The following ALK variants were observed in gnomAD, a reference collection of about 807,000 sequenced individuals.
The protein encoded by ALK is ALK receptor tyrosine kinase.
A neutral mutation model predicts 163.1 loss-of-function variants in ALK; 74 were observed. The observed-to-expected ratio is 0.45, with a 90% CI of 0.38 to 0.55. The LOEUF is 0.55. ALK is among the 20% of genes least tolerant of loss of function. The pLI is 0.00. For missense variants in ALK, 2,063 were observed against 2,105.3 expected, an observed-to-expected ratio of 0.98 and a Z score of 0.39; for synonymous variants, 960 against 843.2, an observed-to-expected ratio of 1.14 and a Z score of -2.40.
rs563594726 is a variant in ALK, at chr2:29,459,283, G to T, written c.1154+72632C>A. Among the ~76,000 whole-genome samples the T allele has an allele frequency of 5.3e-5, 8 of 152,098 alleles. 1 individual carries two copies. Among genetic ancestry groups the T allele is most frequent in the Admixed American group, 3.9e-4 (6 of 15,256 alleles). On this transcript the variant is annotated intron_variant, in intron 4 of 28. Transcript: ENST00000389048. Reference sequence around the variant, plus strand: ...TCTCATTTCATTGGTGCTTTTATAGGTTGAAAGTCACTTTCTCCAACATCC... The same window carrying T: ...TCTCATTTCATTGGTGCTTTTATAGTTTGAAAGTCACTTTCTCCAACATCC...
chr2:29,357,259 A>G (rs1027410528), intron 5 of ALK, among the ~76,000 whole-genome samples: 3 of 152,178 alleles, frequency 2.0e-5, no homozygotes, highest in Non-Finnish European at 4.4e-5. Flanking sequence ...TAGTGGTGAC[A>G]ATGCAGACAC....
Position 29,785,912 on chromosome 2 carries a change from TACAC to T in ALK, c.668-68219_668-68216del, listed in dbSNP as rs10524599. Among the ~76,000 whole-genome samples, 1,099 of 146,710 alleles carry T rather than the reference TACAC, an allele frequency of 7.5e-3. 18 individuals are homozygous for T. Among genetic ancestry groups the T allele is most frequent in the African/African-American group, 0.026 (982 of 38,402 alleles). ...ACATAGGGGGAAATGTTTTTGAGTA[TACAC>T]ACACACACACACACACACACACACA... On this transcript the variant is annotated intron_variant, in intron 1 of 28. Coordinates refer to ENST00000389048, the MANE Select transcript of ALK (RefSeq NM_004304.5).
At chr2:29,303,580 G>A (rs931795001) in intron 8 of ALK, among the ~76,000 whole-genome samples, 7 of 152,174 alleles carry the variant, frequency 4.6e-5, no homozygotes, top group Non-Finnish European at 1.5e-5. Context: ...GACACCTGCA[G>A]TCACATGTTT....
intron 4 of ALK, among the ~76,000 whole-genome samples, chr2:29,464,433 T>TA (rs1373086548): frequency 6.6e-6 from 1 of 152,196 alleles, no homozygotes; most frequent in African/African-American, 2.4e-5. Flanking sequence ...ACAGCCATCA[T>TA]AATATACTGG....
chr2:29,792,700 A>G (rs1026388652), intron 1 of ALK, among the ~76,000 whole-genome samples: 5 of 152,244 alleles, frequency 3.3e-5, no homozygotes, highest in African/African-American at 1.2e-4. Context: ...AAGTATTGCA[A>G]TAAAGCAAGT....
chr2:29,360,461 C>T (rs1573280035), intron 5 of ALK, among the ~76,000 whole-genome samples: 1 of 152,160 alleles, frequency 6.6e-6, no homozygotes, highest in Admixed American at 6.5e-5. Context: ...AGCACATTGC[C>T]CAGAGCTCCT....
chr2:29,843,340 T>C (rs2148395942), intron 1 of ALK, among the ~76,000 whole-genome samples: 1 of 151,540 alleles, frequency 6.6e-6, no homozygotes, highest in East Asian at 1.9e-4. Context: ...CCTCCAAGAG[T>C]TGTGTGTGTG....
rs753080753 is a variant in ALK, at chr2:29,193,917, C to T, written c.4170G>A (p.Pro1390=). The T allele has an allele frequency of 1.9e-6, 3 of 1,613,982 alleles. No individual in the cohort carries two copies. The highest frequency in any genetic ancestry group is 2.5e-6 in the Non-Finnish European group (3 of 1,180,012). ...LERIEYCTQD[P]DVINTALPIE... ...TCGGCAAAGCGGTGTTGATTACATCCGGGTCCTGCCGTAGGGGAAATTATT... is the reference window on the plus strand; with the variant it reads ...TCGGCAAAGCGGTGTTGATTACATCTGGGTCCTGCCGTAGGGGAAATTATT... The change falls in exon 29 of 29, where the codon CCG becomes CCA. Residue 1390 remains proline (P), a synonymous_variant. Coordinates refer to ENST00000389048, the MANE Select transcript of ALK (RefSeq NM_004304.5).
chr2:29,205,718 A>T (rs767762220), intron 26 of ALK, among the ~76,000 whole-genome samples: 1 of 152,096 alleles, frequency 6.6e-6, no homozygotes, highest in Non-Finnish European at 1.5e-5. Context: ...TTATAAGGAT[A>T]CTTGCGATGG....
intron 1 of ALK, among the ~76,000 whole-genome samples, chr2:29,828,938 G>A (rs1334379536): frequency 1.3e-5 from 2 of 151,942 alleles, no homozygotes; most frequent in African/African-American, 4.8e-5. Flanking sequence ...ATGATAGACT[G>A]GATTAAGAAA....
chr2:29,258,367 A>G (rs976227281), intron 11 of ALK, among the ~76,000 whole-genome samples: 2 of 152,234 alleles, frequency 1.3e-5, no homozygotes, highest in Non-Finnish European at 2.9e-5. Flanking sequence ...CAATGCTTAG[A>G]ACCATTTATT....
intron 26 of ALK, among the ~76,000 whole-genome samples, chr2:29,200,781 A>ACATATATGTG (rs1383029041): frequency 8.8e-5 from 12 of 136,698 alleles, no homozygotes; most frequent in Non-Finnish European, 1.5e-4. Flanking sequence ...ACGTATATAT[A>ACATATATGTG]TGTATATACA....
chr2:29,594,349 G>A (rs891161977), intron 3 of ALK, among the ~76,000 whole-genome samples: 19 of 151,558 alleles, frequency 1.3e-4, no homozygotes, highest in Middle Eastern at 3.4e-3. Flanking sequence ...GTAAAATCAC[G>A]TCAGTAGCTT....
At chr2:29,555,702 G>T (rs1036512102) in intron 3 of ALK, among the ~76,000 whole-genome samples, 1 of 152,184 alleles carries the variant, frequency 6.6e-6, no homozygotes, top group Non-Finnish European at 1.5e-5. Context: ...TGAAGATACA[G>T]CTGGTATCTT....
intron 3 of ALK, among the ~76,000 whole-genome samples, chr2:29,622,102 A>G (rs1183978676): frequency 1.3e-5 from 2 of 152,198 alleles, no homozygotes; most frequent in African/African-American, 4.8e-5. Context: ...CCATACCGCT[A>G]AATTAATTTA....
chr2:29,580,949 A>T (rs889136034), intron 3 of ALK, among the ~76,000 whole-genome samples: 3 of 152,214 alleles, frequency 2.0e-5, no homozygotes, highest in Admixed American at 6.5e-5. Flanking sequence ...GGAAGCAAGG[A>T]TGAGTCAGTG....
chr2:29,657,330 T>C (rs895734040), intron 3 of ALK, among the ~76,000 whole-genome samples: 1 of 152,132 alleles, frequency 6.6e-6, no homozygotes, highest in Non-Finnish European at 1.5e-5. Context: ...TGTCTTTCAG[T>C]AGAAGCATGA....
At chr2:29,670,789 T>C (rs1677660190) in intron 3 of ALK, among the ~76,000 whole-genome samples, 1 of 152,110 alleles carries the variant, frequency 6.6e-6, no homozygotes, top group Admixed American at 6.6e-5. Context: ...GTTGAGAGTC[T>C]CTAATGAGTT....
At chr2:29,356,161 T>C (rs1341302139) in intron 5 of ALK, among the ~76,000 whole-genome samples, 1 of 152,178 alleles carries the variant, frequency 6.6e-6, no homozygotes, top group African/African-American at 2.4e-5. Context: ...CCCTTCTGAT[T>C]GTGTCTGTTC....
Sources: gnomAD v4.1 joint callset for allele counts (sites outside exome capture counted in the v4.1 genomes callset) on GRCh38, gnomAD v4.1.1 for gene constraint, MANE v1.5 for transcripts, NCBI Gene and HGNC (gene_info 2026-07-23, HGNC 2026-07-21) for gene names.